Variants in POLR1D observed in about 807,000 individuals in gnomAD.
POLR1D encodes DNA-directed RNA polymerases I and III subunit RPAC2.
Under a neutral mutation model 10.8 loss-of-function variants are expected in POLR1D, and 8 were observed. That is an observed-to-expected ratio of 0.74 (90% CI 0.43 to 1.33). The LOEUF (loss-of-function observed/expected upper bound fraction) is 1.33, where lower values mean the gene tolerates loss of function less well. Among genes scored for constraint, POLR1D ranks in the 40% most tolerant of loss-of-function variants. The probability of loss-of-function intolerance (pLI) is 0.01; values close to 1 mark genes in which losing one functional copy is unlikely to be tolerated. For synonymous variants in POLR1D, 54 were observed against 57.2 expected, an observed-to-expected ratio of 0.94 and a Z score of 0.25; for missense variants, 152 against 161.7, an observed-to-expected ratio of 0.94 and a Z score of 0.32.
rs190363174 is a variant in POLR1D at position 27,641,085 on chromosome 13, A to G, written c.27-7294A>G. On this transcript the variant is annotated intron_variant, in intron 1 of 2. Transcript: ENST00000399697. ...CTTCTTTAAAAAAAATTTTCAATCC[A>G]TGTTTGGTTGAATCCACAGATACAG... Among the ~76,000 whole-genome samples, 184 of 152,292 alleles carry G rather than the reference A, an allele frequency of 1.2e-3. 1 individual carries two copies. The highest frequency in any genetic ancestry group is 5.7e-4 in the Non-Finnish European group (39 of 68,026).
intron 1 of POLR1D, among the ~76,000 whole-genome samples, chr13:27,630,548 T>G (rs976714304): frequency 6.6e-6 from 1 of 152,144 alleles, no homozygotes; most frequent in Non-Finnish European, 1.5e-5. Flanking sequence ...GTAGGGACTC[T>G]GAAGTCAGAG....
intron 1 of POLR1D, 185 bp downstream of exon 1, chr13:27,622,194 A>G (rs1955945124): frequency 3.2e-6 from 2 of 627,714 alleles, no homozygotes; most frequent in East Asian, 5.5e-5. Flanking sequence ...ACTAGCTATC[A>G]AGGAGGGAAG....
intron 2 of POLR1D, among the ~76,000 whole-genome samples, chr13:27,654,567 C>A (rs1956293145): frequency 6.6e-6 from 1 of 152,130 alleles, no homozygotes; most frequent in South Asian, 2.1e-4. Context: ...ACAGGCCCAC[C>A]CACATCTGAA....
intron 1 of POLR1D, among the ~76,000 whole-genome samples, chr13:27,633,251 G>C (rs1284852993): frequency 6.6e-6 from 1 of 152,202 alleles, no homozygotes; most frequent in Non-Finnish European, 1.5e-5. Flanking sequence ...ACACACATAA[G>C]AAGGCAGGGC....
At chr13:27,666,031 G>T (rs1457447720) in exon 3 of POLR1D, 2 of 1,347,212 alleles carry the variant, frequency 1.5e-6, no homozygotes, top group South Asian at 1.2e-5. Flanking sequence ...GCCTGAGCTG[G>T]CAGGGCAAAC....
chr13:27,649,036 G>T (rs1456102135), intron 2 of POLR1D, among the ~76,000 whole-genome samples: 2 of 152,074 alleles, frequency 1.3e-5, no homozygotes, highest in African/African-American at 2.4e-5. Flanking sequence ...AATAGCTTGG[G>T]CAACATAGTG....
intron 1 of POLR1D, among the ~76,000 whole-genome samples, chr13:27,631,105 C>A (rs961280841): frequency 3.3e-5 from 5 of 152,180 alleles, no homozygotes; most frequent in African/African-American, 1.2e-4. Flanking sequence ...TAGATTATCC[C>A]AAAACTTAGT....
intron 1 of POLR1D, among the ~76,000 whole-genome samples, chr13:27,635,252 G>A (rs1398377362): frequency 6.6e-6 from 1 of 152,108 alleles, no homozygotes. Flanking sequence ...AACGTTATTA[G>A]TATTATCTTT....
chr13:27,638,736 G>A (rs1309267147), intron 1 of POLR1D, among the ~76,000 whole-genome samples: 1 of 152,122 alleles, frequency 6.6e-6, no homozygotes, highest in Non-Finnish European at 1.5e-5. Context: ...AGAGCTCTGA[G>A]GTATTGTTTA....
At chr13:27,639,726 A>G (rs1002084903) in intron 1 of POLR1D, among the ~76,000 whole-genome samples, 4 of 152,210 alleles carry the variant, frequency 2.6e-5, no homozygotes, top group African/African-American at 9.6e-5. Flanking sequence ...ATCTCTCTGT[A>G]ATAGTAATCC....
At chr13:27,635,721 TATATAC>T (rs1566145490) in intron 1 of POLR1D, among the ~76,000 whole-genome samples, 1 of 124,814 alleles carries the variant, frequency 8.0e-6, no homozygotes, top group Non-Finnish European at 1.8e-5. Flanking sequence ...TATATATATA[TATATAC>T]ATACACACAT....
At chr13:27,624,645 G>C (rs978039768), downstream of POLR1D, among the ~76,000 whole-genome samples, 4 of 152,128 alleles carry the variant, frequency 2.6e-5, no homozygotes, top group African/African-American at 7.2e-5. Flanking sequence ...GCTCACACCT[G>C]GGAAGCCAAG....
At chr13:27,622,584 C>A (rs1429718925) in intron 1 of POLR1D, among the ~76,000 whole-genome samples, 1 of 152,148 alleles carries the variant, frequency 6.6e-6, no homozygotes, top group African/African-American at 2.4e-5. Flanking sequence ...CTATCCCTTG[C>A]TTGTGACTCT....
At chr13:27,665,359 C>A in intron 2 of POLR1D, 2 of 269,884 alleles carry the variant, frequency 7.4e-6, no homozygotes, top group Non-Finnish European at 7.1e-6. Flanking sequence ...AGGGCACTTA[C>A]TAGTTTGAAA....
chr13:27,647,425 G>T (rs1172519760), intron 1 of POLR1D, among the ~76,000 whole-genome samples: 1 of 151,758 alleles, frequency 6.6e-6, no homozygotes, highest in Non-Finnish European at 1.5e-5. Context: ...GTCTTGCTAT[G>T]TTGCCCAGGC....
intron 1 of POLR1D, among the ~76,000 whole-genome samples, chr13:27,630,086 A>G (rs889590664): frequency 3.3e-5 from 5 of 151,586 alleles, no homozygotes; most frequent in African/African-American, 1.2e-4. Flanking sequence ...TAATTTTTGT[A>G]TTTTTTAGTA....
intron 1 of POLR1D, among the ~76,000 whole-genome samples, chr13:27,641,068 A>G (rs1956168847): frequency 6.6e-6 from 1 of 152,056 alleles, no homozygotes; most frequent in South Asian, 2.1e-4. Flanking sequence ...TGCTTCTTTA[A>G]AAAAAATTTT....
At chr13:27,655,223 A>G (rs1443387717) in intron 2 of POLR1D, among the ~76,000 whole-genome samples, 3 of 152,244 alleles carry the variant, frequency 2.0e-5, no homozygotes, top group South Asian at 2.1e-4. Context: ...TTGATTATCT[A>G]TGATTGTGTG....
intron 2 of POLR1D, among the ~76,000 whole-genome samples, chr13:27,661,853 A>G (rs1038072187): frequency 2.0e-5 from 3 of 152,190 alleles, no homozygotes; most frequent in Non-Finnish European, 2.9e-5. Flanking sequence ...GTCTGAGGAC[A>G]GAGGCCTAGA....
Sources: allele counts gnomAD v4.1 joint callset (sites outside exome capture counted in the v4.1 genomes callset), GRCh38; gene constraint gnomAD v4.1.1; transcripts MANE v1.5; gene names NCBI Gene and HGNC (gene_info 2026-07-23, HGNC 2026-07-21).